Variants in NUP93 observed in about 807,000 individuals in gnomAD.
NUP93 encodes the protein nucleoporin 93.
In NUP93, 55 loss-of-function variants were observed where a neutral mutation model predicts 107.8. That is an observed-to-expected ratio of 0.51 (90% CI 0.41 to 0.64). NUP93 has a LOEUF of 0.64. NUP93 is among the 30% of genes least tolerant of loss of function. The pLI is 0.00. For synonymous variants in NUP93, 390 were observed against 397.5 expected (o/e 0.98, Z 0.22); for missense variants, 937 against 1,044.7 (o/e 0.90, Z 1.42).
intron 3 of NUP93, chr16:56,782,080 A>G: frequency 1.3e-5 from 13 of 985,260 alleles, no homozygotes; most frequent in Non-Finnish European, 1.6e-5. Flanking sequence ...CCCATCCCTC[A>G]ATTCAGGCAG....
intron 3 of NUP93, among the ~76,000 whole-genome samples, chr16:56,779,217 C>G (rs1344127997): frequency 6.6e-6 from 1 of 152,216 alleles, no homozygotes; most frequent in Non-Finnish European, 1.5e-5. Flanking sequence ...GGTCACTGTA[C>G]TGTAGAGCCC....
Position 56,849,676 on chromosome 16 carries a change from T to A in NUP93, c.*5067T>A, listed in dbSNP as rs1436207658. On this transcript the variant is annotated 3_prime_UTR_variant, in exon 22 of 22. Transcript: ENST00000308159. ...CACTCAATTAAGTTTGCATTTTGGA[T>A]AAACAGTGAAGAAGTTCCTAGTGTA... is the stretch of plus-strand genomic sequence containing the variant. 6.6e-6 allele frequency: 1 copy of A among 152,240 alleles called. No individual in the cohort carries two copies. Among genetic ancestry groups the A allele is most frequent in the African/African-American group, 2.4e-5 (1 of 41,454 alleles). 9.4% of individuals were successfully genotyped at this position (152,240 alleles called of 1,614,324 possible).
At chr16:56,804,860 C>T (rs1040574435) in intron 4 of NUP93, among the ~76,000 whole-genome samples, 10 of 149,526 alleles carry the variant, frequency 6.7e-5, no homozygotes, top group African/African-American at 9.9e-5. Flanking sequence ...GAGCCGAGAT[C>T]GTGCCACTGC....
intron 3 of NUP93, among the ~76,000 whole-genome samples, chr16:56,763,294 T>G (rs1422732785): frequency 6.6e-6 from 1 of 152,216 alleles, no homozygotes; most frequent in African/African-American, 2.4e-5. Flanking sequence ...TACTTATATC[T>G]GATTTCAGAA....
intron 4 of NUP93, among the ~76,000 whole-genome samples, chr16:56,800,051 C>T (rs1024444025): frequency 6.6e-6 from 1 of 152,204 alleles, no homozygotes; most frequent in Admixed American, 6.5e-5. Context: ...GGTGTGGTGG[C>T]GCACACCTAT....
chr16:56,769,531 T>C lies in NUP93; in HGVS notation c.297+10876T>C, dbSNP rs1270610944. On this transcript the variant is annotated intron_variant, in intron 3 of 21. Coordinates refer to ENST00000308159, the MANE Select transcript of NUP93 (RefSeq NM_014669.5). ...TGCCATAGTTTTCTGCTTGCTGAGC[T>C]GTCAGTTTAATTTACTGTCTAAAGC... Among the ~76,000 whole-genome samples the C allele has an allele frequency of 2.0e-5, 3 of 152,184 alleles. No homozygotes were observed. The East Asian group carries it at 5.8e-4, about 29-fold the overall frequency.
chr16:56,808,095 A>G (rs1300977127), intron 5 of NUP93, among the ~76,000 whole-genome samples: 7 of 136,906 alleles, frequency 5.1e-5, no homozygotes, highest in African/African-American at 1.9e-4. Context: ...ATATAAATAT[A>G]CACACACATA....
intron 21 of NUP93, among the ~76,000 whole-genome samples, chr16:56,843,025 C>T (rs1243656140): frequency 2.0e-5 from 3 of 152,212 alleles, no homozygotes; most frequent in Non-Finnish European, 4.4e-5. Flanking sequence ...ACCCCACAGG[C>T]ATGGTTGTTG....
intron 2 of NUP93, among the ~76,000 whole-genome samples, chr16:56,756,304 C>CA (rs1194923538): frequency 1.2e-5 from 1 of 86,938 alleles, no homozygotes; most frequent in Non-Finnish European, 2.5e-5. Context: ...TGCCCCCCCC[C>CA]CCCCCGACAG....
In NUP93 at chr16:56,790,917, T is replaced by A. The variant is rs570560106; in HGVS notation, c.298-7559T>A. On this transcript the variant is annotated intron_variant, in intron 3 of 21. Transcript: ENST00000308159. The stretch of plus-strand genomic sequence containing the variant: ...TTCTTCCTTCATTGCTTTCTAGCTG[T>A]TGCTTGTGTCTTAGCAATGGTTTTT... Among the ~76,000 whole-genome samples the A allele has an allele frequency of 5.3e-5, 8 of 152,344 alleles. No homozygotes were observed. In the South Asian group the frequency reaches 1.7e-3, roughly 32 times the overall value.
rs537446200 is a variant in NUP93, at chr16:56,842,332, C to T, written c.2349+499C>T. Among the ~76,000 whole-genome samples, 28 of 152,238 alleles carry T rather than the reference C, an allele frequency of 1.8e-4. 1 individual carries two copies. The East Asian group carries it at 5.4e-3, about 29-fold the overall frequency. On this transcript the variant is annotated intron_variant, in intron 21 of 21. Transcript: ENST00000308159. ...GCTGTGGAGTTGGGAAGCAACTGCC[C>T]TCAGGTGGCAGGTAGGTGAAGGGGC... is the stretch of plus-strand genomic sequence containing the variant.
rs1444043035 is a variant in NUP93, at chr16:56,850,119, T to G, written c.*5510T>G. 1 of 152,248 alleles carries G rather than the reference T, an allele frequency of 6.6e-6. No individual in the cohort carries two copies. Among genetic ancestry groups the G allele is most frequent in the Non-Finnish European group, 1.5e-5 (1 of 68,052 alleles). 9.4% of individuals were successfully genotyped at this position (152,248 alleles called of 1,614,324 possible). Reference sequence around the variant, plus strand: ...TTTTCCTTTTTTTCTTTTTTGCTTTTCTCGAGTCACTCTGTGTGGTGCTTG... The same window carrying G: ...TTTTCCTTTTTTTCTTTTTTGCTTTGCTCGAGTCACTCTGTGTGGTGCTTG... On this transcript the variant is annotated 3_prime_UTR_variant, in exon 22 of 22. Transcript: ENST00000308159.
chr16:56,810,216 G>T (rs531943045), intron 5 of NUP93, among the ~76,000 whole-genome samples: 2 of 152,318 alleles, frequency 1.3e-5, no homozygotes, highest in South Asian at 2.1e-4. Context: ...ATGTATACAG[G>T]TCTTTCTTAA....
chr16:56,841,922 A>G lies in NUP93; in HGVS notation c.2349+89A>G, dbSNP rs1964034455. On this transcript the variant is annotated intron_variant, in intron 21 of 21. Coordinates refer to ENST00000308159, the MANE Select transcript of NUP93 (RefSeq NM_014669.5). Reference sequence around the variant, plus strand: ...CGCTCTTATGAGACCACATGACCCAAAACTGCTCTTTCTCCTCAGTACCTG... The same window carrying G: ...CGCTCTTATGAGACCACATGACCCAGAACTGCTCTTTCTCCTCAGTACCTG... 3.3e-6 allele frequency: 5 copies of G among 1,508,752 alleles called. No homozygotes were observed. The Admixed American group carries it at 9.9e-5, about 30-fold the overall frequency. The allele number at this position is 1,508,752 out of a possible 1,614,324, so 93.5% of individuals were successfully genotyped here.
chr16:56,768,713 A>C (rs1176977218), intron 3 of NUP93, among the ~76,000 whole-genome samples: 1 of 142,548 alleles, frequency 7.0e-6, no homozygotes, highest in African/African-American at 2.6e-5. Context: ...AAAAAATACA[A>C]AAAATTAGCC....
chr16:56,793,175 A>G (rs1054471571), intron 3 of NUP93, among the ~76,000 whole-genome samples: 1 of 152,236 alleles, frequency 6.6e-6, no homozygotes, highest in Non-Finnish European at 1.5e-5. Context: ...ACATTTGAGG[A>G]GCCAGTCAGG....
intron 3 of NUP93, among the ~76,000 whole-genome samples, chr16:56,779,677 T>C (rs1378871634): frequency 6.6e-6 from 1 of 152,174 alleles, no homozygotes; most frequent in East Asian, 1.9e-4. Context: ...ACTCATCTAG[T>C]TTCCTTGGGA....
At position 56,848,361 on chromosome 16, in the gene NUP93, T is replaced by TA. The variant is rs566857384; in HGVS notation, c.*3756dup. On this transcript the variant is annotated 3_prime_UTR_variant, in exon 22 of 22. Transcript: ENST00000308159. Reference sequence around the variant, plus strand: ...GCAAATTGGGAGAAAGTGTTACATATAAAATTCTTGATGGAAATGTGTGTT... The same window carrying TA: ...GCAAATTGGGAGAAAGTGTTACATATAAAAATTCTTGATGGAAATGTGTGTT... The TA allele has an allele frequency of 1.3e-3, 201 of 152,352 alleles. 1 individual carries two copies. The highest frequency in any genetic ancestry group is 4.7e-3 in the African/African-American group (194 of 41,586). 9.4% of individuals were successfully genotyped at this position (152,352 alleles called of 1,614,324 possible).
At chr16:56,768,092 T>G (rs1170812379) in intron 3 of NUP93, among the ~76,000 whole-genome samples, 1 of 152,218 alleles carries the variant, frequency 6.6e-6, no homozygotes, top group Non-Finnish European at 1.5e-5. Context: ...CTCTAAATCC[T>G]TATTGTCAGT....
Sources: gnomAD v4.1 joint callset for allele counts (sites outside exome capture counted in the v4.1 genomes callset) on GRCh38, gnomAD v4.1.1 for gene constraint, MANE v1.5 for transcripts, NCBI Gene and HGNC (gene_info 2026-07-23, HGNC 2026-07-21) for gene names.